Variants in TCERG1L observed in about 807,000 individuals in gnomAD.
TCERG1L encodes transcription elongation regulator 1 like.
TCERG1L carries 37 observed loss-of-function variants against 56.3 expected under a neutral mutation model. The ratio of observed to expected loss-of-function variants is 0.66; its 90% CI spans 0.51 to 0.87. The LOEUF (loss-of-function observed/expected upper bound fraction) is 0.87, where lower values mean the gene tolerates loss of function less well. Ranked by LOEUF, TCERG1L falls within the 40% of genes least tolerant of loss-of-function variation. The pLI, the probability that TCERG1L is intolerant of heterozygous loss-of-function variation, is 0.00. For missense variants in TCERG1L, 799 were observed against 774.2 expected (o/e 1.03, Z -0.38); for synonymous variants, 324 against 326.3 (o/e 0.99, Z 0.08).
intron 3 of TCERG1L, among the ~76,000 whole-genome samples, chr10:131,278,822 T>C (rs2133560434): frequency 6.6e-6 from 1 of 151,974 alleles, no homozygotes; most frequent in East Asian, 1.9e-4. Flanking sequence ...AAGGAGGAAG[T>C]GCTCCTCCCT....
At chr10:131,264,688 G>T (rs973372131) in intron 3 of TCERG1L, among the ~76,000 whole-genome samples, 3 of 152,306 alleles carry the variant, frequency 2.0e-5, no homozygotes, top group African/African-American at 7.2e-5. Flanking sequence ...TCATTCTCAG[G>T]TCTCATTATC....
At chr10:131,106,257 C>G (rs183808967) in intron 9 of TCERG1L, among the ~76,000 whole-genome samples, 4 of 152,326 alleles carry the variant, frequency 2.6e-5, no homozygotes, top group Admixed American at 2.0e-4. Context: ...CAAGGAAGCC[C>G]ATGGTCTAAG....
chr10:131,093,355 G>A lies in TCERG1L; in HGVS notation c.1605-37C>T, dbSNP rs371241013. The A allele has an allele frequency of 1.1e-5, 17 of 1,608,468 alleles. No individual in the cohort carries two copies. In the African/African-American group the frequency reaches 2.1e-4, roughly 20 times the overall value. On this transcript the variant is annotated intron_variant, in intron 11 of 11. Coordinates refer to ENST00000368642, the MANE Select transcript of TCERG1L (RefSeq NM_174937.4). ...AGAGTTTCCTGAGACACCTTCCAGAGAGCAACTCTGGCCTCCCCAGAGATC... is the reference window on the plus strand; with the variant it reads ...AGAGTTTCCTGAGACACCTTCCAGAAAGCAACTCTGGCCTCCCCAGAGATC...
intron 11 of TCERG1L, 127 bp from the exon 12 acceptor site, chr10:131,093,445 C>T (rs1845203393): frequency 1.7e-6 from 2 of 1,168,902 alleles, no homozygotes; most frequent in East Asian, 2.4e-5. Flanking sequence ...GGTGGCAGGG[C>T]ACCCGGTGGG....
At chr10:131,292,875 C>A in intron 3 of TCERG1L, among the ~76,000 whole-genome samples, 1 of 144,556 alleles carries the variant, frequency 6.9e-6, no homozygotes, top group Non-Finnish European at 1.5e-5. Context: ...TTTTTTGAGA[C>A]AGAATCTTGC....
At chr10:131,144,915 G>C (rs1305515506) in intron 7 of TCERG1L, among the ~76,000 whole-genome samples, 4 of 152,200 alleles carry the variant, frequency 2.6e-5, no homozygotes, top group Admixed American at 1.3e-4. Flanking sequence ...TGAGACCGCA[G>C]GTGGCCCAGT....
intron 3 of TCERG1L, among the ~76,000 whole-genome samples, chr10:131,270,720 T>C (rs763654358): frequency 3.3e-5 from 5 of 152,258 alleles, no homozygotes; most frequent in Non-Finnish European, 7.3e-5. Flanking sequence ...GCATGTTTTT[T>C]TTCAAACACT....
intron 3 of TCERG1L, among the ~76,000 whole-genome samples, chr10:131,297,516 T>C (rs532461149): frequency 1.3e-5 from 2 of 152,346 alleles, no homozygotes; most frequent in South Asian, 2.1e-4. Context: ...TGTTCAAAAA[T>C]TGTATTGGTC....
At chr10:131,108,721 C>T (rs1373713980) in intron 9 of TCERG1L, among the ~76,000 whole-genome samples, 2 of 152,212 alleles carry the variant, frequency 1.3e-5, no homozygotes, top group African/African-American at 2.4e-5. Context: ...GCTCCTCAGC[C>T]CAGATCCCAC....
chr10:131,195,847 C>T (rs1373244677), intron 4 of TCERG1L, among the ~76,000 whole-genome samples: 4 of 152,220 alleles, frequency 2.6e-5, no homozygotes, highest in South Asian at 2.1e-4. Context: ...GCCTGCGGGG[C>T]GCGGCTCTCC....
chr10:131,102,013 T>G (rs1025482545), intron 10 of TCERG1L, among the ~76,000 whole-genome samples: 2 of 152,198 alleles, frequency 1.3e-5, no homozygotes, highest in African/African-American at 4.8e-5. Flanking sequence ...ATAGCTGAAA[T>G]TTTTGATTTT....
intron 7 of TCERG1L, among the ~76,000 whole-genome samples, chr10:131,139,718 G>T (rs11813455): frequency 2.6e-5 from 4 of 151,668 alleles, no homozygotes; most frequent in Non-Finnish European, 4.4e-5. Context: ...GTGTCTGTGT[G>T]TATGTGTGCC....
chr10:131,193,219 TGTTGA>T (rs1290041486), intron 4 of TCERG1L, among the ~76,000 whole-genome samples: 1 of 152,178 alleles, frequency 6.6e-6, no homozygotes, highest in Non-Finnish European at 1.5e-5. Context: ...TTGTTGTTGT[TGTTGA>T]GTTTTTTTGA....
At chr10:131,259,850 G>A (rs1334273994) in intron 4 of TCERG1L, among the ~76,000 whole-genome samples, 1 of 152,218 alleles carries the variant, frequency 6.6e-6, no homozygotes, top group African/African-American at 2.4e-5. Context: ...GCAGCACACG[G>A]CTTGGCTCTG....
Position 131,224,297 on chromosome 10 carries a change from C to T in TCERG1L, c.856+35962G>A, listed in dbSNP as rs367817235. 1.1e-4 allele frequency among the ~76,000 whole-genome samples: 16 copies of T among 152,280 alleles called. No individual in the cohort carries two copies. The East Asian group carries it at 3.1e-3, about 29-fold the overall frequency. ...GTGTGCTGACCCTGAGGTCGCTGCACGTCCCATTGGGAGTGCCCTCCCGAG... is the reference window on the plus strand; with the variant it reads ...GTGTGCTGACCCTGAGGTCGCTGCATGTCCCATTGGGAGTGCCCTCCCGAG... On this transcript the variant is annotated intron_variant, in intron 4 of 11. Transcript: ENST00000368642.
chr10:131,288,569 A>G (rs1488929178), intron 3 of TCERG1L, among the ~76,000 whole-genome samples: 2 of 152,204 alleles, frequency 1.3e-5, no homozygotes, highest in East Asian at 3.9e-4. Context: ...AGAAAATGGA[A>G]GTCCCGTCCA....
chr10:131,281,240 C>T (rs918941746), intron 3 of TCERG1L, among the ~76,000 whole-genome samples: 2 of 152,278 alleles, frequency 1.3e-5, no homozygotes, highest in East Asian at 3.9e-4. Flanking sequence ...GCAGACATTG[C>T]CTGCATGTCT....
intron 10 of TCERG1L, among the ~76,000 whole-genome samples, chr10:131,100,720 G>C (rs1845296768): frequency 6.6e-6 from 1 of 152,220 alleles, no homozygotes; most frequent in Non-Finnish European, 1.5e-5. Context: ...TTTCACACCA[G>C]GGGCCTTAGC....
At chr10:131,309,525 C>A (rs11017870) in intron 1 of TCERG1L, among the ~76,000 whole-genome samples, 1 of 151,280 alleles carries the variant, frequency 6.6e-6, no homozygotes, top group Non-Finnish European at 1.5e-5. Context: ...ACATTGCATT[C>A]TTCAATACTG....
Sources: gnomAD v4.1 joint callset for allele counts (sites outside exome capture counted in the v4.1 genomes callset) on GRCh38, gnomAD v4.1.1 for gene constraint, MANE v1.5 for transcripts, NCBI Gene and HGNC (gene_info 2026-07-23, HGNC 2026-07-21) for gene names.